The following FHIT variants were observed in gnomAD, a reference collection of about 807,000 sequenced individuals.
FHIT encodes the protein fragile histidine triad diadenosine triphosphatase.
In FHIT, 19 loss-of-function variants were observed where a neutral mutation model predicts 17.9. The ratio of observed to expected loss-of-function variants is 1.06; its 90% CI spans 0.74 to 1.56. The LOEUF (loss-of-function observed/expected upper bound fraction) is 1.56. Among genes scored for constraint, FHIT ranks in the 40% most tolerant of loss-of-function variants. FHIT has a pLI of 0.00. For missense variants in FHIT, 248 were observed against 189.2 expected (o/e 1.31, Z -1.82); for synonymous variants, 81 against 69.7 (o/e 1.16, Z -0.81).
intron 5 of FHIT, among the ~76,000 whole-genome samples, chr3:60,147,548 C>G (rs1700293670): frequency 6.6e-6 from 1 of 152,186 alleles, no homozygotes; most frequent in Admixed American, 6.5e-5. Flanking sequence ...GCAGCAGACT[C>G]TGTGGCTTTA....
intron 4 of FHIT, among the ~76,000 whole-genome samples, chr3:60,759,447 C>G (rs541550783): frequency 1.3e-5 from 2 of 152,066 alleles, no homozygotes; most frequent in African/African-American, 4.8e-5. Flanking sequence ...ATAGAGATTT[C>G]GAAAACATCA....
At position 60,500,787 on chromosome 3, in the gene FHIT, A is replaced by G. The variant is rs975832738; in HGVS notation, c.103+36073T>C. ...GCATCCATCTAAAAAAAAAAAAAAA[A>G]AAAAAAAAAATTGTATTGGTGCTCT... On this transcript the variant is annotated intron_variant, in intron 5 of 9. Transcript: ENST00000492590. Among the ~76,000 whole-genome samples the G allele has an allele frequency of 7.7e-4, 117 of 151,012 alleles. 1 individual carries two copies. The highest frequency in any genetic ancestry group is 2.6e-3 in the African/African-American group (107 of 41,128).
At chr3:60,524,790 C>T (rs1234668529) in intron 5 of FHIT, among the ~76,000 whole-genome samples, 1 of 152,164 alleles carries the variant, frequency 6.6e-6, no homozygotes, top group Non-Finnish European at 1.5e-5. Context: ...CTTATAAGGA[C>T]ACTGCCATTG....
chr3:59,811,156 C>T lies in FHIT; in HGVS notation c.349-58835G>A, dbSNP rs988220839. Among the ~76,000 whole-genome samples, 3 of 152,352 alleles carry T rather than the reference C, an allele frequency of 2.0e-5. No homozygotes were observed. In the East Asian group the frequency reaches 5.8e-4, roughly 29 times the overall value. On this transcript the variant is annotated intron_variant, in intron 8 of 9. Transcript: ENST00000492590. ...GACACAACACAACGTCAAGGATGCC[C>T]TTGCACACTTATGTCACCCTCTCAT...
At chr3:60,425,418 C>A (rs114964274) in intron 5 of FHIT, among the ~76,000 whole-genome samples, 1 of 152,140 alleles carries the variant, frequency 6.6e-6, no homozygotes, top group East Asian at 1.9e-4. Context: ...CCACCCTGGG[C>A]CTCCATCATT....
intron 5 of FHIT, among the ~76,000 whole-genome samples, chr3:60,038,535 G>A (rs1421888562): frequency 6.6e-6 from 1 of 152,146 alleles, no homozygotes; most frequent in Non-Finnish European, 1.5e-5. Flanking sequence ...GTCTCAATAT[G>A]CATGAAACGC....
intron 3 of FHIT, among the ~76,000 whole-genome samples, chr3:60,995,438 A>C (rs939270418): frequency 1.3e-5 from 2 of 152,194 alleles, no homozygotes; most frequent in Non-Finnish European, 2.9e-5. Context: ...TGAAATTCCC[A>C]CAAGCCCCCA....
chr3:60,535,489 T>G (rs1314892159), intron 5 of FHIT, among the ~76,000 whole-genome samples: 1 of 152,054 alleles, frequency 6.6e-6, no homozygotes, highest in Non-Finnish European at 1.5e-5. Context: ...CAAAATAAAA[T>G]GTTACTTCAA....
At chr3:61,248,530 C>T (rs1173012124) in intron 1 of FHIT, among the ~76,000 whole-genome samples, 1 of 152,136 alleles carries the variant, frequency 6.6e-6, no homozygotes, top group Non-Finnish European at 1.5e-5. Flanking sequence ...TCTGAGAGTT[C>T]ATATTAGAGG....
intron 5 of FHIT, among the ~76,000 whole-genome samples, chr3:60,517,923 T>C (rs1002004825): frequency 1.3e-5 from 2 of 152,186 alleles, no homozygotes; most frequent in African/African-American, 4.8e-5. Flanking sequence ...ATTTATAAAC[T>C]TGGAAATACC....
intron 5 of FHIT, among the ~76,000 whole-genome samples, chr3:60,125,631 A>AGT: frequency 6.7e-6 from 1 of 149,556 alleles, no homozygotes; most frequent in Non-Finnish European, 1.5e-5. Context: ...AAAAAAAAAA[A>AGT]GTGTATATAT....
chr3:61,131,574 C>A (rs1054469518), intron 2 of FHIT, among the ~76,000 whole-genome samples: 1 of 152,130 alleles, frequency 6.6e-6, no homozygotes, highest in African/African-American at 2.4e-5. Context: ...GCAAAGTGGC[C>A]CAGGTACATA....
chr3:60,156,759 A>G (rs895205213), intron 5 of FHIT, among the ~76,000 whole-genome samples: 3 of 152,184 alleles, frequency 2.0e-5, no homozygotes, highest in Non-Finnish European at 2.9e-5. Context: ...TCAAAAATAA[A>G]TAAGTATAAA....
intron 5 of FHIT, among the ~76,000 whole-genome samples, chr3:60,062,350 A>G (rs1393396757): frequency 6.6e-6 from 1 of 152,154 alleles, no homozygotes; most frequent in African/African-American, 2.4e-5. Flanking sequence ...GATAATGACA[A>G]TGAGGGTGGT....
intron 7 of FHIT, among the ~76,000 whole-genome samples, chr3:59,947,945 G>C (rs1374299651): frequency 6.6e-6 from 1 of 152,130 alleles, no homozygotes; most frequent in African/African-American, 2.4e-5. Context: ...TAATGCCCTT[G>C]AGATCCATAC....
At chr3:59,861,291 T>C (rs1445814086) in intron 8 of FHIT, among the ~76,000 whole-genome samples, 2 of 152,290 alleles carry the variant, frequency 1.3e-5, no homozygotes, top group African/African-American at 4.8e-5. Flanking sequence ...TCAGTTATAC[T>C]GATTGGGAGG....
intron 5 of FHIT, among the ~76,000 whole-genome samples, chr3:60,379,297 G>C (rs142131671): frequency 7.1e-4 from 108 of 151,902 alleles, no homozygotes; most frequent in Middle Eastern, 3.4e-3. Context: ...CCCACAATCA[G>C]AATCCAACTT....
intron 8 of FHIT, among the ~76,000 whole-genome samples, chr3:59,809,323 G>T (rs1700323881): frequency 6.6e-6 from 1 of 152,226 alleles, no homozygotes; most frequent in African/African-American, 2.4e-5. Context: ...ACACTAGAGT[G>T]AATCTGCTGT....
chr3:60,748,776 G>A (rs903119956), intron 4 of FHIT, among the ~76,000 whole-genome samples: 15 of 152,000 alleles, frequency 9.9e-5, no homozygotes, highest in Non-Finnish European at 2.1e-4. Context: ...TGAGCCACTG[G>A]ACTCCAGCCT....
Sources: gnomAD v4.1 joint callset for allele counts (sites outside exome capture counted in the v4.1 genomes callset) on GRCh38, gnomAD v4.1.1 for gene constraint, MANE v1.5 for transcripts, NCBI Gene and HGNC (gene_info 2026-07-23, HGNC 2026-07-21) for gene names.